CHP1: variants seen among roughly 807,000 people sequenced by gnomAD.
The protein encoded by CHP1 is calcineurin like EF-hand protein 1, also known as calcineurin B homologous protein 1.
CHP1 carries 11 observed loss-of-function variants against 27.4 expected under a neutral mutation model. That is an observed-to-expected ratio of 0.40 (90% CI 0.25 to 0.67). CHP1 has a LOEUF of 0.67. CHP1 is among the 30% of genes least tolerant of loss of function. The pLI, the probability that CHP1 is intolerant of heterozygous loss-of-function variation, is 0.38. For missense variants in CHP1, 169 were observed against 251.3 expected (o/e 0.67, Z 2.22); for synonymous variants, 89 against 87.4 (o/e 1.02, Z -0.10).
chr15:41,256,524 T>C (rs2047401413), intron 2 of CHP1, among the ~76,000 whole-genome samples: 1 of 152,328 alleles, frequency 6.6e-6, no homozygotes, highest in African/African-American at 2.4e-5. Flanking sequence ...TGTCCCCATA[T>C]TCAAGTTCTG....
rs764847940 is a variant in CHP1 at position 41,262,785 on chromosome 15, T to C, written c.251T>C (p.Met84Thr). 20 of 1,613,174 alleles carry C rather than the reference T, an allele frequency of 1.2e-5. No homozygotes were observed. The highest frequency in any genetic ancestry group is 6.7e-5 in the Admixed American group (4 of 59,990). The change falls in exon 4 of 7, where the codon ATG (methionine) becomes ACG (threonine). Residue 84 changes from methionine (M) to threonine (T), a missense_variant. Coordinates refer to ENST00000334660, the MANE Select transcript of CHP1 (RefSeq NM_007236.5). ...GACCAGGTAAACTTCCGTGGATTCA[T>C]GCGAACTTTGGCTCATTTCCGCCCC... The part of the protein sequence containing the change: ...GEDQVNFRGF[M>T]RTLAHFRPIE...
At chr15:41,262,587 G>T (rs895689530) in intron 3 of CHP1, among the ~76,000 whole-genome samples, 169 bp from the exon 4 acceptor site, 2 of 152,170 alleles carry the variant, frequency 1.3e-5, no homozygotes, top group Admixed American at 6.6e-5. Flanking sequence ...TTGGGGTGAG[G>T]CTTAAATGAT....
chr15:41,277,791 G>GA lies in CHP1; in HGVS notation c.412-960dup, dbSNP rs559045538. Among the ~76,000 whole-genome samples, 168 of 117,894 alleles carry GA rather than the reference G, an allele frequency of 1.4e-3. 3 individuals are homozygous for GA. Among genetic ancestry groups the GA allele is most frequent in the South Asian group, 1.7e-3 (6 of 3,560 alleles). 77.3% of individuals were successfully genotyped at this position (117,894 alleles called of 152,430 possible). On this transcript the variant is annotated intron_variant, in intron 5 of 6. Coordinates refer to ENST00000334660, the MANE Select transcript of CHP1 (RefSeq NM_007236.5). ...CAACAAGAGTGAAACTCCGCCTCAG[G>GA]AAAAAAAAAAAAAAAAGGCATGGTT...
chr15:41,262,037 C>T (rs1418325297), intron 3 of CHP1, among the ~76,000 whole-genome samples: 5 of 149,996 alleles, frequency 3.3e-5, no homozygotes, highest in African/African-American at 4.9e-5. Context: ...GGCATGGTGG[C>T]GGGCGTCTGT....
At chr15:41,271,825 T>C (rs2047491232) in intron 5 of CHP1, among the ~76,000 whole-genome samples, 1 of 152,164 alleles carries the variant, frequency 6.6e-6, no homozygotes, top group African/African-American at 2.4e-5. Flanking sequence ...TGCTTTTGAG[T>C]TGGGAATTTC....
chr15:41,239,934 G>A (rs993046327), intron 1 of CHP1, among the ~76,000 whole-genome samples: 2 of 151,754 alleles, frequency 1.3e-5, no homozygotes, highest in Non-Finnish European at 2.9e-5. Context: ...CTGCCACCAC[G>A]CCCGTCTAAT....
intron 2 of CHP1, among the ~76,000 whole-genome samples, chr15:41,252,571 G>T (rs1286004805): frequency 6.6e-6 from 1 of 152,172 alleles, no homozygotes. Flanking sequence ...AACAACCTGT[G>T]GGTGCTTGAG....
intron 5 of CHP1, among the ~76,000 whole-genome samples, chr15:41,272,848 A>G (rs2047497761): frequency 6.6e-6 from 1 of 152,042 alleles, no homozygotes; most frequent in Non-Finnish European, 1.5e-5. Flanking sequence ...GGAGATCGAG[A>G]CCATCCTGGC....
At chr15:41,254,308 T>G (rs991274232) in intron 2 of CHP1, among the ~76,000 whole-genome samples, 1 of 152,186 alleles carries the variant, frequency 6.6e-6, no homozygotes, top group South Asian at 2.1e-4. Context: ...TTAAACTGCC[T>G]TTTCTCAGCT....
At chr15:41,269,921 A>G (rs1567011210) in intron 4 of CHP1, among the ~76,000 whole-genome samples, 1 of 152,148 alleles carries the variant, frequency 6.6e-6, no homozygotes, top group Non-Finnish European at 1.5e-5. Flanking sequence ...CATGGCAGAA[A>G]TCTAATGATT....
chr15:41,273,799 G>T (rs947969880), intron 5 of CHP1, among the ~76,000 whole-genome samples: 6 of 151,294 alleles, frequency 4.0e-5, no homozygotes, highest in Non-Finnish European at 1.5e-5. Flanking sequence ...TAGTAGGCTG[G>T]GTGTGGTGTT....
intron 1 of CHP1, among the ~76,000 whole-genome samples, chr15:41,237,221 A>G (rs2047282130): frequency 1.3e-5 from 2 of 148,808 alleles, no homozygotes; most frequent in African/African-American, 5.0e-5. Context: ...ATCTCAGCTC[A>G]CTGCAACCTC....
chr15:41,274,790 GT>G (rs34053067), intron 5 of CHP1, among the ~76,000 whole-genome samples: 11,558 of 120,516 alleles, frequency 0.096, 729 homozygotes, highest in East Asian at 0.5. Context: ...CATTGTCTTT[GT>G]TTTTTTTTTT....
chr15:41,279,286 G>A (rs1199291741), intron 6 of CHP1, 50 bp from the exon 7 acceptor site: 17 of 1,375,462 alleles, frequency 1.2e-5, no homozygotes, highest in Non-Finnish European at 1.8e-5. Context: ...GAGCTTGGGA[G>A]TGTTGTAATC....
intron 4 of CHP1, among the ~76,000 whole-genome samples, chr15:41,263,084 TG>T (rs2047441721): frequency 1.3e-5 from 2 of 152,342 alleles, no homozygotes; most frequent in East Asian, 3.9e-4. Context: ...TTAACCTCTT[TG>T]GGCTTCAGTT....
At chr15:41,247,900 C>T (rs1452951885) in intron 2 of CHP1, among the ~76,000 whole-genome samples, 1 of 148,836 alleles carries the variant, frequency 6.7e-6, no homozygotes, top group African/African-American at 2.5e-5. Context: ...ACCCGGGAGG[C>T]GGAGCTTTCA....
rs572514983 is a variant in CHP1, at chr15:41,249,250, G to A, written c.140+5511G>A. 5.8e-4 allele frequency among the ~76,000 whole-genome samples: 89 copies of A among 152,154 alleles called. 1 individual carries two copies. The highest frequency in any genetic ancestry group is 2.0e-3 in the African/African-American group (83 of 41,522). ...GCTTGATTGCAGTGGCACCATCACG[G>A]CTCACTGTAGCCTCCCACCTCAGCC... On this transcript the variant is annotated intron_variant, in intron 2 of 6. Transcript: ENST00000334660.
chr15:41,275,311 T>C (rs1352602116), intron 5 of CHP1, among the ~76,000 whole-genome samples: 1 of 151,412 alleles, frequency 6.6e-6, no homozygotes, highest in Non-Finnish European at 1.5e-5. Context: ...CCCGCCACCA[T>C]GCCTAGCTAA....
chr15:41,232,603 C>T (rs565542894), intron 1 of CHP1, among the ~76,000 whole-genome samples: 1 of 152,020 alleles, frequency 6.6e-6, no homozygotes, highest in Non-Finnish European at 1.5e-5. Flanking sequence ...TGTAAAATAC[C>T]ATCATAACTT....
Sources: gnomAD v4.1 joint callset for allele counts (sites outside exome capture counted in the v4.1 genomes callset) on GRCh38, gnomAD v4.1.1 for gene constraint, MANE v1.5 for transcripts, NCBI Gene and HGNC (gene_info 2026-07-23, HGNC 2026-07-21) for gene names.